Variants in GLE1 observed in about 807,000 individuals in gnomAD.
GLE1 encodes the protein mRNA export factor GLE1.
A neutral mutation model predicts 97.3 loss-of-function variants in GLE1; 78 were observed. The ratio of observed to expected loss-of-function variants is 0.80; its 90% CI spans 0.67 to 0.97. The LOEUF is 0.97. Among genes scored for constraint, GLE1 ranks in the 50% least tolerant of loss-of-function variants. The pLI is 0.00. For synonymous variants in GLE1, 302 were observed against 313.4 expected (o/e 0.96, Z 0.39); for missense variants, 753 against 857.5 (o/e 0.88, Z 1.52).
chr9:128,519,811 C>T (rs1847088392), intron 3 of GLE1, among the ~76,000 whole-genome samples: 1 of 152,222 alleles, frequency 6.6e-6, no homozygotes, highest in Non-Finnish European at 1.5e-5. Flanking sequence ...GGTTTTACGG[C>T]TTGTGGGGCA....
intron 3 of GLE1, among the ~76,000 whole-genome samples, chr9:128,520,304 A>G (rs1299619679): frequency 6.8e-6 from 1 of 148,002 alleles, no homozygotes; most frequent in Non-Finnish European, 1.5e-5. Flanking sequence ...GTATATATGT[A>G]TATATGTGTA....
Position 128,538,084 on chromosome 9 carries a change from C to T in GLE1, c.1875C>T (p.Phe625=). 6.4e-7 allele frequency: 1 copy of T among 1,564,588 alleles called. No individual in the cohort carries two copies. Among genetic ancestry groups the T allele is most frequent in the Non-Finnish European group, 8.8e-7 (1 of 1,135,120 alleles). The part of the protein sequence containing the change: ...SDVTATLLFD[F]LEVCGNALMK... ...TGACAGCCACCCTCCTCTTTGACTT[C>T]CTGGAGGTACGTAACTCAGTTATCA... is the stretch of plus-strand genomic sequence containing the variant. The change falls in exon 13 of 16, where the codon TTC becomes TTT. Residue 625 remains phenylalanine, a synonymous_variant. Transcript: ENST00000309971.
At chr9:128,518,430 G>A (rs1375020778) in intron 3 of GLE1, among the ~76,000 whole-genome samples, 1 of 151,288 alleles carries the variant, frequency 6.6e-6, no homozygotes, top group African/African-American at 2.4e-5. Flanking sequence ...GCATAGTGGT[G>A]CACGCCTGTA....
At position 128,533,951 on chromosome 9, in the gene GLE1, G is replaced by A. The variant is rs1279814345; in HGVS notation, c.1646G>A (p.Arg549Lys). 1.9e-6 allele frequency: 3 copies of A among 1,598,316 alleles called. No homozygotes were observed. The highest frequency in any genetic ancestry group is 2.7e-5 in the African/African-American group (2 of 74,556). ...GGAATGGCTTTGGAAGACTATCAGA[G>A]GTAAAGTTGTTTTTCTCCCTACTCA... The part of the protein sequence containing the change: ...KEGMALEDYQ[R>K]MLGYQVKDSK... The change falls in exon 11 of 16, where the codon AGG becomes AAG. Residue 549 changes from arginine to lysine, a missense_variant and splice_region_variant. Arg to Lys is a conservative substitution (Grantham distance 26). Transcript: ENST00000309971.
At chr9:128,510,234 CT>C (rs778018874) in intron 2 of GLE1, among the ~76,000 whole-genome samples, 156 of 144,244 alleles carry the variant, frequency 1.1e-3, no homozygotes, top group Middle Eastern at 3.6e-3. Context: ...TTTTCTTTTT[CT>C]TTTTTTTTTT....
chr9:128,529,232 G>A (rs1847406084), intron 9 of GLE1, among the ~76,000 whole-genome samples: 1 of 152,212 alleles, frequency 6.6e-6, no homozygotes. Context: ...GTTCCCCTCT[G>A]TTGACTGCAG....
chr9:128,530,018 G>A (rs1209713339), intron 9 of GLE1, among the ~76,000 whole-genome samples: 2 of 152,070 alleles, frequency 1.3e-5, no homozygotes, highest in African/African-American at 2.4e-5. Context: ...GGATGGTCTC[G>A]ATCTTCTGAC....
In GLE1 at chr9:128,533,611, C is replaced by A; in HGVS notation, c.1411C>A (p.Gln471Lys). The change falls in exon 10 of 16, where the codon CAG becomes AAG. Residue 471 changes from glutamine (Q) to lysine (K), a missense_variant. By Grantham distance (53) the Gln-to-Lys change is moderately conservative. Transcript: ENST00000309971. ...CTCTGTGTCTGTCACACTTAACCCA[C>A]AGGGGCTGGACTTTGTTCAATACAA... is the stretch of plus-strand genomic sequence containing the variant. ...GRSVSVTLNP[Q>K]GLDFVQYKLA... is the part of the protein sequence containing the mutation. The A allele has an allele frequency of 6.2e-7, 1 of 1,614,082 alleles. No individual in the cohort carries two copies. Among genetic ancestry groups the A allele is most frequent in the Non-Finnish European group, 8.5e-7 (1 of 1,179,968 alleles).
intron 3 of GLE1, 123 bp from the exon 4 acceptor site, chr9:128,522,545 T>TG (rs1263002131): frequency 1.2e-5 from 13 of 1,046,718 alleles, no homozygotes; most frequent in African/African-American, 1.6e-5. Flanking sequence ...CCCAGCTACT[T>TG]GGGGAGCTGA....
Position 128,509,703 on chromosome 9 carries a change from A to G in GLE1, c.321+606A>G, listed in dbSNP as rs147272175. On this transcript the variant is annotated intron_variant, in intron 2 of 15. Coordinates refer to ENST00000309971, the MANE Select transcript of GLE1 (RefSeq NM_001003722.2). The stretch of plus-strand genomic sequence containing the variant: ...ACCCAACACAGTGGCTCATGTCCAT[A>G]ATTCCAGTGCTTTGGAAGGCCAAGA... Among the ~76,000 whole-genome samples, 87 of 152,152 alleles carry G rather than the reference A, an allele frequency of 5.7e-4. No homozygotes were observed. In the East Asian group the frequency reaches 0.016, roughly 29 times the overall value.
At chr9:128,513,840 C>A (rs772077909) in intron 2 of GLE1, among the ~76,000 whole-genome samples, 1 of 151,544 alleles carries the variant, frequency 6.6e-6, no homozygotes, top group Non-Finnish European at 1.5e-5. Context: ...CATGGTGAAA[C>A]ACCATCTCTA....
rs573683992 is a variant in GLE1 at position 128,534,294 on chromosome 9, G to A, written c.1646+343G>A. Among the ~76,000 whole-genome samples, 176 of 152,218 alleles carry A rather than the reference G, an allele frequency of 1.2e-3. 1 individual carries two copies. Among genetic ancestry groups the A allele is most frequent in the South Asian group, 1.7e-3 (8 of 4,824 alleles). ...TGAGGCACGAGAATTGCTTGAACCC[G>A]GAAGGCGGAGGTCGCAGTGAGCCAA... On this transcript the variant is annotated intron_variant, in intron 11 of 15. Coordinates refer to ENST00000309971, the MANE Select transcript of GLE1 (RefSeq NM_001003722.2).
At chr9:128,522,884 T>C in intron 4 of GLE1, 68 bp downstream of exon 4, 1 of 1,557,600 alleles carries the variant, frequency 6.4e-7, no homozygotes, top group Non-Finnish European at 8.9e-7. Flanking sequence ...CAAGAGGAAT[T>C]CCAAAGGGAA....
chr9:128,534,640 G>A (rs1477271472), intron 11 of GLE1, among the ~76,000 whole-genome samples: 2 of 152,036 alleles, frequency 1.3e-5, no homozygotes. Flanking sequence ...GCTCAGATTT[G>A]ATGATGGATA....
intron 3 of GLE1, among the ~76,000 whole-genome samples, chr9:128,516,562 G>A (rs1257074386): frequency 1.3e-5 from 2 of 151,096 alleles, no homozygotes; most frequent in South Asian, 4.2e-4. Flanking sequence ...CTCGTGATCT[G>A]CCCGCCTCGG....
Position 128,541,245 on chromosome 9 carries a change from G to A in GLE1, c.*75G>A. 1.2e-6 allele frequency: 1 copy of A among 865,216 alleles called. No individual in the cohort carries two copies. The allele number at this position is 865,216 out of a possible 1,614,324, so 53.6% of individuals were successfully genotyped here. ...AGGAACTGAAGACAGCTGTATTTGG[G>A]AGAAGTCATGTCAGATTCAGAAATT... On this transcript the variant is annotated 3_prime_UTR_variant, in exon 16 of 16. Coordinates refer to ENST00000309971, the MANE Select transcript of GLE1 (RefSeq NM_001003722.2).
intron 12 of GLE1, 110 bp from the exon 13 acceptor site, chr9:128,537,876 G>C: frequency 1.4e-6 from 1 of 724,308 alleles, no homozygotes; most frequent in Non-Finnish European, 2.5e-6. Context: ...AGGTGCTAGG[G>C]CTGGATGATC....
intron 13 of GLE1, 146 bp downstream of exon 13, chr9:128,538,236 T>G (rs1187101644): frequency 2.9e-6 from 2 of 686,734 alleles, no homozygotes; most frequent in Non-Finnish European, 5.3e-6. Context: ...TTTCCCAAGC[T>G]GTAGACCAAC....
At chr9:128,511,275 C>T (rs1363869152) in intron 2 of GLE1, among the ~76,000 whole-genome samples, 3 of 147,864 alleles carry the variant, frequency 2.0e-5, no homozygotes, top group Non-Finnish European at 4.5e-5. Context: ...TATAAATATA[C>T]ATAAATATAT....
Sources: allele counts gnomAD v4.1 joint callset (sites outside exome capture counted in the v4.1 genomes callset), GRCh38; gene constraint gnomAD v4.1.1; transcripts MANE v1.5; gene names NCBI Gene and HGNC (gene_info 2026-07-23, HGNC 2026-07-21).